Variants in NAV3 observed in about 807,000 individuals in gnomAD.
NAV3 encodes neuron navigator 3.
In NAV3, 87 loss-of-function variants were observed where a neutral mutation model predicts 244.7. The observed-to-expected ratio is 0.36, with a 90% CI of 0.30 to 0.42. The LOEUF is 0.42. Ranked by LOEUF, NAV3 falls within the 20% of genes least tolerant of loss-of-function variation. The pLI is 1.00. For missense variants in NAV3, 2,663 were observed against 2,893.3 expected (o/e 0.92, Z 1.83); for synonymous variants, 1,126 against 1,042.2 (o/e 1.08, Z -1.55).
chr12:77,996,128 A>G (rs2731413), intron 6 of NAV3, among the ~76,000 whole-genome samples: 24,991 of 152,258 alleles, frequency 0.16, 2,168 homozygotes, highest in East Asian at 0.3. Context: ...TTTCTGAAAC[A>G]GGTCAATTTG....
intron 2 of NAV3, among the ~76,000 whole-genome samples, chr12:77,772,809 T>C (rs1357877046): frequency 1.3e-5 from 2 of 152,194 alleles, no homozygotes; most frequent in East Asian, 3.9e-4. Context: ...AAATGTGCTT[T>C]TGGGACATGT....
intron 18 of NAV3, 121 bp from the exon 19 acceptor site, chr12:78,137,056 A>G: frequency 1.2e-6 from 1 of 843,862 alleles, no homozygotes; most frequent in Non-Finnish European, 1.7e-6. Context: ...TACCTTAAAT[A>G]GGGACTCACT....
rs766945766 is a variant in NAV3, at chr12:78,119,392, G to A, written c.3196G>A (p.Gly1066Ser). Residue 1066 changes from glycine (G) to serine (S), a missense_variant, in exon 15 of 40, where the codon GGC becomes AGC. By Grantham distance (56) the Gly-to-Ser change is moderately conservative. Around this residue, in one of 6 missense-constraint regions of NAV3, gnomAD observed 1,521 missense variants for 1,497.0 expected, o/e 1.02. Transcript: ENST00000397909. ...IGRSTATSSF[G>S]FKKPSGVGSS... ...AAGATCGACTGCCACCAGCTCCTTT[G>A]GCTTTAAGAAACCAAGTGGAGTAGG... is the stretch of plus-strand genomic sequence containing the variant. 1.7e-5 allele frequency: 28 copies of A among 1,614,028 alleles called. No individual in the cohort carries two copies. In the East Asian group the frequency reaches 5.3e-4, roughly 31 times the overall value.
intron 12 of NAV3, among the ~76,000 whole-genome samples, chr12:78,070,402 GTT>G (rs369994220): frequency 1.1e-4 from 16 of 139,384 alleles, no homozygotes; most frequent in Non-Finnish European, 1.3e-4. Context: ...CTCAGGTGAA[GTT>G]TTTTTTTTTT....
intron 21 of NAV3, among the ~76,000 whole-genome samples, 184 bp downstream of exon 21, chr12:78,146,576 G>C (rs747430146): frequency 6.6e-6 from 1 of 152,090 alleles, no homozygotes; most frequent in Non-Finnish European, 1.5e-5. Context: ...ATGAAAGGAA[G>C]TTTGTATAGC....
rs778887459 is a variant in NAV3, at chr12:78,006,883, C to T, written c.1345C>T (p.Pro449Ser). The T allele has an allele frequency of 1.9e-6, 3 of 1,614,034 alleles. No homozygotes were observed. The highest frequency in any genetic ancestry group is 2.5e-6 in the Non-Finnish European group (3 of 1,180,018). The change falls in exon 8 of 40, where the codon CCA becomes TCA. Residue 449 changes from proline (P) to serine (S), a missense_variant. Physicochemically the swap from Pro to Ser is moderately conservative, Grantham distance 74. Transcript: ENST00000397909. ...SPKVSPKLAPPKAGSKNLSNK... is the reference protein window; with the variant it reads ...SPKVSPKLAPSKAGSKNLSNK... The stretch of plus-strand genomic sequence containing the variant: ...CAAAGTGTCACCTAAGTTGGCCCCT[C>T]CAAAAGCTGGAAGCAAAAATCTCAG...
chr12:78,136,241 C>T (rs1211416792), intron 18 of NAV3, among the ~76,000 whole-genome samples: 1 of 152,202 alleles, frequency 6.6e-6, no homozygotes, highest in Non-Finnish European at 1.5e-5. Flanking sequence ...TCTTAAGAGG[C>T]TCCTGCCTGC....
chr12:78,087,118 TC>T lies in NAV3; in HGVS notation c.2636+28005del, dbSNP rs746037668. 9.2e-5 allele frequency among the ~76,000 whole-genome samples: 14 copies of T among 152,090 alleles called. 1 individual carries two copies. In the East Asian group the frequency reaches 1.5e-3, roughly 17 times the overall value. On this transcript the variant is annotated intron_variant, in intron 12 of 39. Coordinates refer to ENST00000397909, the MANE Select transcript of NAV3 (RefSeq NM_001024383.2). ...TGCAGAGCTGATTAAAATCCAGACT[TC>T]CATATGAGATTTACAGATGTTGTAG...
At chr12:77,626,841 A>G (rs1442401757) in intron 2 of NAV3, among the ~76,000 whole-genome samples, 1 of 152,158 alleles carries the variant, frequency 6.6e-6, no homozygotes, top group Admixed American at 6.5e-5. Flanking sequence ...TAAAAACATG[A>G]TATCTAATAT....
chr12:77,608,873 T>C (rs753281917), intron 2 of NAV3, among the ~76,000 whole-genome samples: 5 of 152,090 alleles, frequency 3.3e-5, no homozygotes, highest in Admixed American at 6.6e-5. Context: ...GGCATTTGTA[T>C]GACCTCCATC....
chr12:77,935,462 A>G (rs1889234000), intron 1 of NAV3, among the ~76,000 whole-genome samples: 1 of 152,216 alleles, frequency 6.6e-6, no homozygotes, highest in Non-Finnish European at 1.5e-5. Context: ...AGTTAGGTAA[A>G]CTATATTTGG....
intron 2 of NAV3, among the ~76,000 whole-genome samples, chr12:77,746,551 T>C (rs1225587364): frequency 6.6e-6 from 1 of 152,152 alleles, no homozygotes; most frequent in African/African-American, 2.4e-5. Context: ...ATGAGAATTA[T>C]GTAGAAATTA....
At chr12:78,029,813 T>A (rs1414949682) in intron 9 of NAV3, among the ~76,000 whole-genome samples, 1 of 152,180 alleles carries the variant, frequency 6.6e-6, no homozygotes, top group African/African-American at 2.4e-5. Context: ...ATGTCATATT[T>A]TTTATTGGTA....
chr12:78,197,359 G>A lies in NAV3; in HGVS notation c.6404G>A (p.Ser2135Asn). ...LDNLHHVGSL[S>N]DIFNGFLNCK... ...AATCTTCATCATGTGGGCTCTCTGA[G>A]TGATATCTTCAATGGTTTTCTCAAT... is the stretch of plus-strand genomic sequence containing the variant. The change falls in exon 35 of 40, where the codon AGT becomes AAT. Residue 2135 changes from serine (S) to asparagine (N), a missense_variant. Physicochemically the swap from Ser to Asn is conservative, Grantham distance 46. Transcript: ENST00000397909. 1 of 1,607,000 alleles carries A rather than the reference G, an allele frequency of 6.2e-7. No individual in the cohort carries two copies. The highest frequency in any genetic ancestry group is 2.2e-5 in the East Asian group (1 of 44,564).
intron 1 of NAV3, among the ~76,000 whole-genome samples, chr12:77,939,952 A>G (rs1889707634): frequency 6.6e-6 from 1 of 152,216 alleles, no homozygotes; most frequent in South Asian, 2.1e-4. Context: ...AAATCAGTCC[A>G]GGTGGGTTTC....
At chr12:78,180,658 T>C (rs1184743050) in intron 29 of NAV3, among the ~76,000 whole-genome samples, 2 of 152,062 alleles carry the variant, frequency 1.3e-5, no homozygotes, top group Non-Finnish European at 2.9e-5. Flanking sequence ...ATTGTCTATA[T>C]TTGTGAATTC....
intron 8 of NAV3, among the ~76,000 whole-genome samples, chr12:78,017,790 C>A (rs1362281514): frequency 6.6e-6 from 1 of 152,084 alleles, no homozygotes; most frequent in East Asian, 1.9e-4. Context: ...ACAAATCATG[C>A]ATAAAAATAG....
At chr12:78,112,813 A>G (rs959451962) in intron 12 of NAV3, among the ~76,000 whole-genome samples, 1 of 152,156 alleles carries the variant, frequency 6.6e-6, no homozygotes, top group South Asian at 2.1e-4. Context: ...CCAAAGTCTT[A>G]ACACATTTCA....
Position 78,118,220 on chromosome 12 carries a change from C to A in NAV3, c.2963C>A (p.Ser988Tyr), listed in dbSNP as rs1022622836. 6.2e-7 allele frequency: 1 copy of A among 1,613,532 alleles called. No homozygotes were observed. The change falls in exon 14 of 40, where the codon TCC becomes TAC. Residue 988 changes from serine to tyrosine, a missense_variant. By Grantham distance (144) the Ser-to-Tyr change is moderately radical (BLOSUM62 -2). This residue lies in a region of NAV3 where 1,521 missense variants were observed against 1,497.0 expected (regional missense o/e 1.02). Transcript: ENST00000397909. The stretch of plus-strand genomic sequence containing the variant: ...TCCCTGTCTGTTTCACAGACAGGTT[C>A]CTGGAGAAGAGGCATGTCTGCCCAA... ...KASLSVSQTG[S>Y]WRRGMSAQGG...
Sources: gnomAD v4.1 joint callset for allele counts (sites outside exome capture counted in the v4.1 genomes callset) on GRCh38, gnomAD v4.1.1 for gene constraint, gnomAD v4.1.1 regional missense constraint, MANE v1.5 for transcripts, NCBI Gene and HGNC (gene_info 2026-07-23, HGNC 2026-07-21) for gene names.